Variants in SLC9A1 observed in about 807,000 individuals in gnomAD.
The protein encoded by SLC9A1 is solute carrier family 9 member A1.
Under a neutral mutation model 67.9 loss-of-function variants are expected in SLC9A1, and 22 were observed. That is an observed-to-expected ratio of 0.32 (90% CI 0.23 to 0.46). SLC9A1 has a LOEUF of 0.46. SLC9A1 is among the 20% of genes least tolerant of loss of function. The probability of loss-of-function intolerance (pLI) is 1.00; values close to 1 mark genes in which losing one functional copy is unlikely to be tolerated. For synonymous variants in SLC9A1, 421 were observed against 471.8 expected, an observed-to-expected ratio of 0.89 and a Z score of 1.40; for missense variants, 686 against 1,094.8, an observed-to-expected ratio of 0.63 and a Z score of 5.27.
Position 27,100,742 on chromosome 1 carries a change from T to A in SLC9A1, c.2111-98A>T, listed in dbSNP as rs952129356. On this transcript the variant is annotated intron_variant, in intron 11 of 11. Transcript: ENST00000263980. This position sits in a 1 kb window ranked among gnomAD's most constrained non-coding sequence, Gnocchi z 5.6. ...TCAGTGCCTCCTTCAGGCCTTCTCA[T>A]GAGCACAGCCGTCCCGGTCCCAACA... 3 of 967,806 alleles carry A rather than the reference T, an allele frequency of 3.1e-6. No homozygotes were observed. Among genetic ancestry groups the A allele is most frequent in the Non-Finnish European group, 3.1e-6 (2 of 642,220 alleles). 60.0% of individuals were successfully genotyped at this position (967,806 alleles called of 1,614,324 possible). A position where few individuals can be genotyped will look rare whatever the true frequency, so the allele number is the denominator to read the frequency against.
rs373454159 is a variant in SLC9A1 at position 27,101,068 on chromosome 1, C to T, written c.2110+135G>A. The T allele has an allele frequency of 7.4e-6, 5 of 671,534 alleles. No homozygotes were observed. In the East Asian group the frequency reaches 8.2e-5, roughly 11 times the overall value. 41.6% of individuals were successfully genotyped at this position (671,534 alleles called of 1,614,324 possible). A position where few individuals can be genotyped will look rare whatever the true frequency, so the allele number is the denominator to read the frequency against. On this transcript the variant is annotated intron_variant, in intron 11 of 11. Transcript: ENST00000263980. The surrounding 1 kb of genome is among the most constrained non-coding windows in gnomAD (Gnocchi z 4.9). ...CCCCTGACGTAGAAGCAGCTCATGG[C>T]TTGGGAGGGGATCCTGAGGTCAGCG... is the stretch of plus-strand genomic sequence containing the variant.
intron 1 of SLC9A1, among the ~76,000 whole-genome samples, chr1:27,134,054 C>T (rs545579538): frequency 4.6e-4 from 70 of 152,228 alleles, no homozygotes; most frequent in Admixed American, 8.5e-4. Context: ...TGAGCTACCG[C>T]GCCCGGCCTG....
intron 2 of SLC9A1, among the ~76,000 whole-genome samples, chr1:27,113,487 G>A (rs947962581): frequency 1.3e-5 from 2 of 152,138 alleles, no homozygotes; most frequent in African/African-American, 4.8e-5. Context: ...AAGTCAAGGA[G>A]GGAGCATATA....
At chr1:27,125,237 C>CTTTTTTTTTTTTTTT (rs71010327) in intron 1 of SLC9A1, among the ~76,000 whole-genome samples, 3 of 86,888 alleles carry the variant, frequency 3.5e-5, no homozygotes, top group East Asian at 4.0e-4. Flanking sequence ...CCTTTTCTTT[C>CTTTTTTTTTTTTTTT]TTTTTTTTTT....
Position 27,112,682 on chromosome 1 carries a change from G to A in SLC9A1, c.813+1144C>T, listed in dbSNP as rs556721061. Reference sequence around the variant, plus strand: ...GCGGATCACCTGAGGTCAGGAGTTCGAGATTAGCCTGGCCAACATGGCGAA... The same window carrying A: ...GCGGATCACCTGAGGTCAGGAGTTCAAGATTAGCCTGGCCAACATGGCGAA... On this transcript the variant is annotated intron_variant, in intron 2 of 11. Coordinates refer to ENST00000263980, the MANE Select transcript of SLC9A1 (RefSeq NM_003047.5). 2.0e-5 allele frequency among the ~76,000 whole-genome samples: 3 copies of A among 152,114 alleles called. No individual in the cohort carries two copies. In the South Asian group the frequency reaches 6.2e-4, roughly 32 times the overall value.
At position 27,101,281 on chromosome 1, in the gene SLC9A1, A is replaced by C. The variant is rs1370324485; in HGVS notation, c.2038-6T>G. Reference sequence around the variant, plus strand: ...ACCGTCAGGTAGTTGTTGATCTGACAGAGAGGACAGACGGGGTGAGCACAG... The same window carrying C: ...ACCGTCAGGTAGTTGTTGATCTGACCGAGAGGACAGACGGGGTGAGCACAG... On this transcript the variant is annotated splice_region_variant and splice_polypyrimidine_tract_variant and intron_variant, in intron 10 of 11. Coordinates refer to ENST00000263980, the MANE Select transcript of SLC9A1 (RefSeq NM_003047.5). This position sits in a 1 kb window ranked among gnomAD's most constrained non-coding sequence, Gnocchi z 4.9. The C allele has an allele frequency of 6.2e-7, 1 of 1,610,886 alleles. No homozygotes were observed. The highest frequency in any genetic ancestry group is 1.1e-5 in the South Asian group (1 of 91,046).
intron 1 of SLC9A1, among the ~76,000 whole-genome samples, chr1:27,132,686 T>C (rs1368091990): frequency 6.6e-6 from 1 of 152,188 alleles, no homozygotes; most frequent in African/African-American, 2.4e-5. Context: ...CTTTTTCTCA[T>C]CACTGTTCAC....
intron 1 of SLC9A1, among the ~76,000 whole-genome samples, chr1:27,148,537 G>A (rs1471572897): frequency 6.6e-6 from 1 of 152,106 alleles, no homozygotes; most frequent in Non-Finnish European, 1.5e-5. Context: ...GTTTGGCCTT[G>A]AGTGATTAGT....
chr1:27,136,731 T>C (rs2083422837), intron 1 of SLC9A1, among the ~76,000 whole-genome samples: 1 of 152,142 alleles, frequency 6.6e-6, no homozygotes, highest in South Asian at 2.1e-4. Flanking sequence ...TTCCTGCAGT[T>C]TCCCATCTGA....
chr1:27,113,775 G>C, intron 2 of SLC9A1, 51 bp downstream of exon 2: 1 of 1,404,730 alleles, frequency 7.1e-7, no homozygotes, highest in Non-Finnish European at 9.9e-7. Context: ...TGGTGGGCCT[G>C]GATTTGGGTT....
rs144794319 is a variant in SLC9A1 at position 27,100,329 on chromosome 1, G to A, written c.2426C>T (p.Pro809Leu). 5.2e-5 allele frequency: 79 copies of A among 1,533,964 alleles called. No homozygotes were observed. The highest frequency in any genetic ancestry group is 1.8e-4 in the Middle Eastern group (1 of 5,682). The change falls in exon 12 of 12, where the codon CCG (proline) becomes CTG (leucine). Residue 809 changes from proline (P) to leucine (L), a missense_variant. Coordinates refer to ENST00000263980, the MANE Select transcript of SLC9A1 (RefSeq NM_003047.5). This position sits in a 1 kb window ranked among gnomAD's most constrained non-coding sequence, Gnocchi z 5.6. ...GTGTTACTGCCCCTTGGGGAAGAAC[G>A]GTTCTCCCTCCCCAGGCTCAGGGTG... is the stretch of plus-strand genomic sequence containing the variant. ...GPHPEPGEGE[P>L]FFPKGQ
At chr1:27,104,014 G>C (rs1206501172) in intron 5 of SLC9A1, 1 of 150,600 alleles carries the variant, frequency 6.6e-6, no homozygotes. Context: ...GCAAAATCAA[G>C]GTAAAAAAAA....
chr1:27,101,069 T>C lies in SLC9A1; in HGVS notation c.2110+134A>G. Reference sequence around the variant, plus strand: ...CCCTGACGTAGAAGCAGCTCATGGCTTGGGAGGGGATCCTGAGGTCAGCGA... The same window carrying C: ...CCCTGACGTAGAAGCAGCTCATGGCCTGGGAGGGGATCCTGAGGTCAGCGA... On this transcript the variant is annotated intron_variant, in intron 11 of 11. Coordinates refer to ENST00000263980, the MANE Select transcript of SLC9A1 (RefSeq NM_003047.5). This position sits in a 1 kb window ranked among gnomAD's most constrained non-coding sequence, Gnocchi z 4.9. 4 of 672,164 alleles carry C rather than the reference T, an allele frequency of 6.0e-6. No individual in the cohort carries two copies. The Admixed American group carries it at 9.7e-5, about 16-fold the overall frequency. The allele number at this position is 672,164 out of a possible 1,614,324, so 41.6% of individuals were successfully genotyped here.
chr1:27,147,299 CAAA>C (rs57583944), intron 1 of SLC9A1, among the ~76,000 whole-genome samples: 4 of 43,958 alleles, frequency 9.1e-5, no homozygotes, highest in Non-Finnish European at 1.6e-4. Flanking sequence ...GACTCTGTCT[CAAA>C]AAAAAAAAAA....
chr1:27,129,665 C>T (rs2083371740), intron 1 of SLC9A1, among the ~76,000 whole-genome samples: 1 of 152,164 alleles, frequency 6.6e-6, no homozygotes, highest in East Asian at 1.9e-4. Flanking sequence ...GGGGACGGAA[C>T]TTGGTTGACG....
intron 1 of SLC9A1, among the ~76,000 whole-genome samples, chr1:27,117,769 C>G (rs1222109297): frequency 6.6e-6 from 1 of 152,202 alleles, no homozygotes; most frequent in Non-Finnish European, 1.5e-5. Flanking sequence ...TGCCACTCCC[C>G]TAGTGTCTAA....
At chr1:27,136,396 C>T (rs1053992068) in intron 1 of SLC9A1, among the ~76,000 whole-genome samples, 1 of 152,224 alleles carries the variant, frequency 6.6e-6, no homozygotes, top group Non-Finnish European at 1.5e-5. Flanking sequence ...AAGGGAATTT[C>T]CAAGCAGAGC....
In SLC9A1 at chr1:27,101,912, G is replaced by T; in HGVS notation, c.1936-86C>A. ...GGGGGCAGTGCTGGAGGCCGGGCCAGTCCTGGGGTGGGTGCCGAGGGGCAC... is the reference window on the plus strand; with the variant it reads ...GGGGGCAGTGCTGGAGGCCGGGCCATTCCTGGGGTGGGTGCCGAGGGGCAC... On this transcript the variant is annotated intron_variant, in intron 9 of 11. Coordinates refer to ENST00000263980, the MANE Select transcript of SLC9A1 (RefSeq NM_003047.5). This position sits in a 1 kb window ranked among gnomAD's most constrained non-coding sequence, Gnocchi z 4.9. The T allele has an allele frequency of 7.0e-7, 1 of 1,419,464 alleles. No homozygotes were observed. The highest frequency in any genetic ancestry group is 9.9e-7 in the Non-Finnish European group (1 of 1,008,002). 87.9% of individuals were successfully genotyped at this position (1,419,464 alleles called of 1,614,324 possible).
At chr1:27,134,307 A>G (rs1162776945) in intron 1 of SLC9A1, among the ~76,000 whole-genome samples, 7 of 152,138 alleles carry the variant, frequency 4.6e-5, no homozygotes, top group African/African-American at 1.4e-4. Flanking sequence ...AGATAAGATG[A>G]TGGGGCTGGG....
Sources: gnomAD v4.1 joint callset for allele counts (sites outside exome capture counted in the v4.1 genomes callset) on GRCh38, gnomAD v4.1.1 for gene constraint, Gnocchi (gnomAD v3.1) non-coding constraint, MANE v1.5 for transcripts, NCBI Gene and HGNC (gene_info 2026-07-23, HGNC 2026-07-21) for gene names.